Variants in ADK observed in about 807,000 individuals in gnomAD.
The protein encoded by ADK is N6,N6-dimethyladenosine kinase.
ADK carries 24 observed loss-of-function variants against 44.7 expected under a neutral mutation model. The ratio of observed to expected loss-of-function variants is 0.54; its 90% CI spans 0.39 to 0.76. The LOEUF is 0.76. ADK is among the 30% of genes least tolerant of loss of function. ADK has a pLI of 0.00. For missense variants in ADK, 321 were observed against 425.1 expected (o/e 0.76, Z 2.15); for synonymous variants, 128 against 142.6 (o/e 0.90, Z 0.73).
At chr10:74,486,503 A>G (rs1391536657) in intron 6 of ADK, among the ~76,000 whole-genome samples, 1 of 152,200 alleles carries the variant, frequency 6.6e-6, no homozygotes, top group Non-Finnish European at 1.5e-5. Context: ...ACACACCAAC[A>G]GGTATAGTTT....
intron 4 of ADK, among the ~76,000 whole-genome samples, chr10:74,392,553 T>C (rs1214083421): frequency 2.6e-5 from 4 of 152,174 alleles, no homozygotes; most frequent in African/African-American, 4.8e-5. Context: ...ATTCTGGATA[T>C]TAACCTTTCA....
At chr10:74,393,399 TTAAAGCTTATAA>T (rs1320366430) in intron 4 of ADK, among the ~76,000 whole-genome samples, 1 of 152,170 alleles carries the variant, frequency 6.6e-6, no homozygotes, top group Non-Finnish European at 1.5e-5. Flanking sequence ...AAGAAATCCA[TTAAAGCTTATAA>T]TAATTACTTC....
intron 9 of ADK, among the ~76,000 whole-genome samples, chr10:74,667,990 T>C (rs997749404): frequency 6.6e-6 from 1 of 152,222 alleles, no homozygotes; most frequent in Non-Finnish European, 1.5e-5. Flanking sequence ...TTACTATTTA[T>C]ATATAATTAT....
rs779393232 is a variant in ADK at position 74,160,690 on chromosome 10, GGTGT to G, written c.65+9372_65+9375del. On this transcript the variant is annotated intron_variant, in intron 1 of 10. Transcript: ENST00000539909. ...GGGTGTGTGCGTGCATGCAGGTAGGGGTGTGTGTGTGTGTGTGTGTGTGTGTGTA... is the reference window on the plus strand; with the variant it reads ...GGGTGTGTGCGTGCATGCAGGTAGGGGTGTGTGTGTGTGTGTGTGTGTGTA... Among the ~76,000 whole-genome samples, 418 of 136,300 alleles carry G rather than the reference GGTGT, an allele frequency of 3.1e-3. 3 individuals carry two copies. Among genetic ancestry groups the G allele is most frequent in the South Asian group, 0.024 (102 of 4,298 alleles). The allele number at this position is 136,300 out of a possible 152,430, so 89.4% of individuals were successfully genotyped here.
At chr10:74,316,303 T>A (rs1038828799) in intron 4 of ADK, among the ~76,000 whole-genome samples, 3 of 152,192 alleles carry the variant, frequency 2.0e-5, no homozygotes, top group Non-Finnish European at 2.9e-5. Flanking sequence ...AGGCACGTTT[T>A]GCATTTTGCA....
intron 6 of ADK, among the ~76,000 whole-genome samples, chr10:74,513,876 CCTT>C (rs951836169): frequency 2.0e-5 from 3 of 152,220 alleles, no homozygotes; most frequent in South Asian, 2.1e-4. Flanking sequence ...ATTCCTTTCT[CCTT>C]CTCCTTTGTA....
At chr10:74,611,001 G>T (rs537051269) in intron 9 of ADK, among the ~76,000 whole-genome samples, 8 of 151,998 alleles carry the variant, frequency 5.3e-5, no homozygotes, top group Admixed American at 2.0e-4. Context: ...AATTAAATAG[G>T]TCCACTGAAA....
intron 3 of ADK, among the ~76,000 whole-genome samples, chr10:74,264,987 A>AT (rs1218289753): frequency 2.0e-5 from 3 of 151,322 alleles, no homozygotes; most frequent in Admixed American, 6.6e-5. Context: ...TTTTTTCTTT[A>AT]TTTTTTGTAG....
At chr10:74,386,842 A>G (rs1285983476) in intron 4 of ADK, among the ~76,000 whole-genome samples, 1 of 152,156 alleles carries the variant, frequency 6.6e-6, no homozygotes, top group African/African-American at 2.4e-5. Context: ...GGGGTGCTGT[A>G]GCAAACCCAC....
intron 6 of ADK, among the ~76,000 whole-genome samples, chr10:74,503,572 G>A (rs1047661227): frequency 2.0e-5 from 3 of 152,252 alleles, no homozygotes; most frequent in South Asian, 4.1e-4. Flanking sequence ...TAATAGGAAG[G>A]ATGACATAGT....
At chr10:74,382,498 A>C (rs190886864) in intron 4 of ADK, among the ~76,000 whole-genome samples, 1 of 152,252 alleles carries the variant, frequency 6.6e-6, no homozygotes, top group East Asian at 1.9e-4. Context: ...TGTTCTGATG[A>C]AAGTCACATT....
intron 1 of ADK, among the ~76,000 whole-genome samples, chr10:74,173,643 C>T (rs1294100430): frequency 6.7e-6 from 1 of 149,572 alleles, no homozygotes; most frequent in Middle Eastern, 3.5e-3. Flanking sequence ...ATTGGCCAGG[C>T]TGGTCTCGAA....
chr10:74,532,937 A>C (rs1444174137), intron 7 of ADK, among the ~76,000 whole-genome samples: 1 of 151,748 alleles, frequency 6.6e-6, no homozygotes, highest in Non-Finnish European at 1.5e-5. Flanking sequence ...AAAAAAAAAA[A>C]AAAGCTATTA....
At position 74,529,518 on chromosome 10, in the gene ADK, A is replaced by G. The variant is rs575024633; in HGVS notation, c.726+4092A>G. 7.9e-5 allele frequency among the ~76,000 whole-genome samples: 12 copies of G among 152,338 alleles called. No homozygotes were observed. In the South Asian group the frequency reaches 2.3e-3, roughly 29 times the overall value. On this transcript the variant is annotated intron_variant, in intron 7 of 10. Coordinates refer to ENST00000539909, the MANE Select transcript of ADK (RefSeq NM_006721.4). ...TAAAATGGAAAATTTTATCATATGT[A>G]TAGTTTACCACAATTTTTTTGAAAA...
chr10:74,521,207 A>G (rs556138203), intron 6 of ADK, among the ~76,000 whole-genome samples: 29 of 152,318 alleles, frequency 1.9e-4, no homozygotes, highest in African/African-American at 6.3e-4. Flanking sequence ...TTGTTTAAAT[A>G]CTAAATATTT....
At chr10:74,409,300 T>G (rs1351983714) in intron 6 of ADK, among the ~76,000 whole-genome samples, 2 of 152,182 alleles carry the variant, frequency 1.3e-5, no homozygotes, top group East Asian at 3.8e-4. Context: ...TTAGGCTTAT[T>G]ATGGGGAAAT....
At chr10:74,191,395 A>C (rs1175720766) in intron 1 of ADK, among the ~76,000 whole-genome samples, 1 of 151,972 alleles carries the variant, frequency 6.6e-6, no homozygotes, top group Non-Finnish European at 1.5e-5. Context: ...TAAGCATTAA[A>C]AAAAATTATT....
At position 74,563,694 on chromosome 10, in the gene ADK, A is replaced by T. The variant is rs189307946; in HGVS notation, c.727-25588A>T. ...GTACATTGTATAAATGCATGTATAC[A>T]TATGTCTAAATATGGCAAGTTGCAA... On this transcript the variant is annotated intron_variant, in intron 7 of 10. Transcript: ENST00000539909. Among the ~76,000 whole-genome samples the T allele has an allele frequency of 4.6e-5, 7 of 152,302 alleles. No homozygotes were observed. The East Asian group carries it at 9.6e-4, about 21-fold the overall frequency.
intron 7 of ADK, among the ~76,000 whole-genome samples, chr10:74,572,372 T>A (rs934165958): frequency 6.6e-6 from 1 of 152,264 alleles, no homozygotes; most frequent in Non-Finnish European, 1.5e-5. Flanking sequence ...CCGAGAGATC[T>A]GCTGTTAGTC....
Sources: allele counts gnomAD v4.1 joint callset (sites outside exome capture counted in the v4.1 genomes callset), GRCh38; gene constraint gnomAD v4.1.1; transcripts MANE v1.5; gene names NCBI Gene and HGNC (gene_info 2026-07-23, HGNC 2026-07-21).